OBSL1: variants seen among roughly 807,000 people sequenced by gnomAD.
OBSL1 encodes obscurin-like protein 1.
In OBSL1, 160 loss-of-function variants were observed where a neutral mutation model predicts 172.0. The ratio of observed to expected loss-of-function variants is 0.93; its 90% CI spans 0.82 to 1.06. The LOEUF is 1.06. Ranked by LOEUF, OBSL1 falls within the 50% of genes least tolerant of loss-of-function variation. OBSL1 has a pLI of 0.00. For synonymous variants in OBSL1, 1,200 were observed against 1,196.3 expected (o/e 1.00, Z -0.06); for missense variants, 2,681 against 2,715.4 (o/e 0.99, Z 0.28).
chr2:219,553,108 T>G, intron 16 of OBSL1, 84 bp from the exon 17 acceptor site: 1 of 1,400,442 alleles, frequency 7.1e-7, no homozygotes, highest in Admixed American at 3.4e-5. Context: ...CACCCTTTGT[T>G]GATGCCAAGC....
At chr2:219,559,596 G>A in intron 8 of OBSL1, 99 bp from the exon 9 acceptor site, 2 of 1,056,474 alleles carry the variant, frequency 1.9e-6, no homozygotes, top group South Asian at 1.6e-5. Flanking sequence ...ATAATAATGA[G>A]AATAATAAGT....
In OBSL1 at chr2:219,557,583, G is replaced by A; in HGVS notation, c.3826C>T (p.Gln1276Ter). 6.5e-7 allele frequency: 1 copy of A among 1,546,554 alleles called. No individual in the cohort carries two copies. Among genetic ancestry groups the A allele is most frequent in the Non-Finnish European group, 8.7e-7 (1 of 1,144,094 alleles). The change falls in exon 12 of 21, where the codon CAG becomes TAG. Residue 1276 changes from glutamine to a stop codon, truncating the protein, a stop_gained. Coordinates refer to ENST00000404537, the MANE Select transcript of OBSL1 (RefSeq NM_015311.3). LOFTEE classifies it high-confidence loss of function. The part of the protein sequence containing the change: ...PVRVVAPEAA[Q>*]TRVRSTPGGD... The stretch of plus-strand genomic sequence containing the variant: ...CCTGGGGTGCTCCGAACCCTCGTCT[G>A]GGCTGCCTCGGGAGCTACCACCCGC...
At chr2:219,561,854 A>T (rs894693291) in intron 8 of OBSL1, 3 of 717,270 alleles carry the variant, frequency 4.2e-6, no homozygotes, top group Admixed American at 2.0e-5. Flanking sequence ...GGGACAGAGG[A>T]ATGTGGGCCC....
In OBSL1 at chr2:219,559,308, A is replaced by G. The variant is rs1696280443; in HGVS notation, c.3143T>C (p.Leu1048Pro). 3 of 1,613,858 alleles carry G rather than the reference A, an allele frequency of 1.9e-6. No homozygotes were observed. Among genetic ancestry groups the G allele is most frequent in the Non-Finnish European group, 2.5e-6 (3 of 1,179,876 alleles). The change falls in exon 9 of 21, where the codon CTA becomes CCA. Residue 1048 changes from leucine (L) to proline (P), a missense_variant. By Grantham distance (98) the Leu-to-Pro change is moderately conservative. Around this residue, in one of 5 missense-constraint regions of OBSL1, gnomAD observed 1,765 missense variants for 1,748.3 expected, o/e 1.01. Transcript: ENST00000404537. ...ERDGPRCRLV[L>P]PAAQPEDGGE... ...CCCGTCCTCGGGCTGAGCAGCAGGTAGCACCAGGCGGCAGCGTGGCCCATC... is the reference window on the plus strand; with the variant it reads ...CCCGTCCTCGGGCTGAGCAGCAGGTGGCACCAGGCGGCAGCGTGGCCCATC...
In OBSL1 at chr2:219,563,486, C is replaced by G. The variant is rs1050651649; in HGVS notation, c.2549G>C (p.Ser850Thr). The part of the protein sequence containing the change: ...WYKDGQEVEE[S>T]DFVVLENEGP... ...CTCATTCTCCAGCACCACGAAGTCA[C>G]TCTCCTCCACCTCCTGCCCGTCCTT... The change falls in exon 7 of 21, where the codon AGT becomes ACT. Residue 850 changes from serine (S) to threonine (T), a missense_variant. Ser to Thr is a moderately conservative substitution (Grantham distance 58). Coordinates refer to ENST00000404537, the MANE Select transcript of OBSL1 (RefSeq NM_015311.3). 1 of 1,613,996 alleles carries G rather than the reference C, an allele frequency of 6.2e-7. No individual in the cohort carries two copies. The highest frequency in any genetic ancestry group is 8.5e-7 in the Non-Finnish European group (1 of 1,179,872).
chr2:219,553,008 G>A lies in OBSL1; in HGVS notation c.5006C>T (p.Thr1669Met). Reference sequence around the variant, plus strand: ...CTGGAGCCGGAGCCGCGGGCTAGGCGTAAGCGCGTTCCCGTCCTAGGGGCG... The same window carrying A: ...CTGGAGCCGGAGCCGCGGGCTAGGCATAAGCGCGTTCCCGTCCTAGGGGCG... ...VTWEKDGNAL[T>M]PSPRLRLQAL... The change falls in exon 17 of 21, where the codon ACG (threonine) becomes ATG (methionine). Residue 1669 changes from threonine to methionine, a missense_variant. Around this residue, in one of 5 missense-constraint regions of OBSL1, gnomAD observed 1,765 missense variants for 1,748.3 expected, o/e 1.01. Coordinates refer to ENST00000404537, the MANE Select transcript of OBSL1 (RefSeq NM_015311.3). The A allele has an allele frequency of 6.6e-7, 1 of 1,518,006 alleles. No individual in the cohort carries two copies. The highest frequency in any genetic ancestry group is 8.8e-7 in the Non-Finnish European group (1 of 1,138,768). 94.0% of individuals were successfully genotyped at this position (1,518,006 alleles called of 1,614,324 possible).
Position 219,571,302 on chromosome 2 carries a change from C to G in OBSL1, c.-70G>C. 1.0e-6 allele frequency: 1 copy of G among 956,684 alleles called. No individual in the cohort carries two copies. The highest frequency in any genetic ancestry group is 1.4e-6 in the Non-Finnish European group (1 of 737,842). The allele number at this position is 956,684 out of a possible 1,614,324, so 59.3% of individuals were successfully genotyped here. ...GGGGGGTGCGGAGGGCGAGCCGAGG[C>G]CCGGGGCGGCGGGGTCGGGGCGCGG... On this transcript the variant is annotated 5_prime_UTR_variant, in exon 1 of 21. Coordinates refer to ENST00000404537, the MANE Select transcript of OBSL1 (RefSeq NM_015311.3).
Position 219,565,427 on chromosome 2 carries a change from G to C in OBSL1, c.2222C>G (p.Ser741Ter), listed in dbSNP as rs749399846. Residue 741 changes from serine to a stop codon, truncating the protein, a stop_gained, in exon 6 of 21, where the codon TCA (serine) becomes TGA (stop). Transcript: ENST00000404537. LOFTEE classifies it high-confidence loss of function. ...CCAGGTTGCCGGGAAGTCCACCCTTGAGAGCTCACAAGTCAGCACCACCCG... is the reference window on the plus strand; with the variant it reads ...CCAGGTTGCCGGGAAGTCCACCCTTCAGAGCTCACAAGTCAGCACCACCCG... ...SERVVLTCELSRVDFPATWYK... is the reference protein window; with the variant it reads ...SERVVLTCEL 1 of 1,613,714 alleles carries C rather than the reference G, an allele frequency of 6.2e-7. No homozygotes were observed. The highest frequency in any genetic ancestry group is 8.5e-7 in the Non-Finnish European group (1 of 1,179,902).
At position 219,559,479 on chromosome 2, in the gene OBSL1, A is replaced by G; in HGVS notation, c.2972T>C (p.Ile991Thr). 3 of 1,613,612 alleles carry G rather than the reference A, an allele frequency of 1.9e-6. No homozygotes were observed. The highest frequency in any genetic ancestry group is 2.5e-6 in the Non-Finnish European group (3 of 1,179,614). The change falls in exon 9 of 21, where the codon ATA (isoleucine) becomes ACA (threonine). Residue 991 changes from isoleucine (I) to threonine (T), a missense_variant. Physicochemically the swap from Ile to Thr is moderately conservative, Grantham distance 89. Around this residue, in one of 5 missense-constraint regions of OBSL1, gnomAD observed 1,765 missense variants for 1,748.3 expected, o/e 1.01. Coordinates refer to ENST00000404537, the MANE Select transcript of OBSL1 (RefSeq NM_015311.3). ...CAAGGTCACCTCATCGCGAGGGTAT[A>G]TGATCCGCACTGGGGGTTCTGCAGG... ...VTVTEPPVRI[I>T]YPRDEVTLIA...
intron 9 of OBSL1, 23 bp downstream of exon 9, chr2:219,559,202 T>C: frequency 1.3e-6 from 2 of 1,575,800 alleles, no homozygotes; most frequent in Non-Finnish European, 1.7e-6. Context: ...CTACCTCCTC[T>C]CTGTGCTGCA....
chr2:219,571,383 C>A lies in OBSL1; in HGVS notation c.-151G>T. The A allele has an allele frequency of 4.8e-6, 2 of 413,658 alleles. No homozygotes were observed. The highest frequency in any genetic ancestry group is 1.1e-4 in the South Asian group (1 of 8,728). 25.6% of individuals were successfully genotyped at this position (413,658 alleles called of 1,614,324 possible). A position where few individuals can be genotyped will look rare whatever the true frequency, so the allele number is the denominator to read the frequency against. ...TCTCCCGGGCCTCCCGCTCCCGGCT[C>A]GCCTCCTTACCCTCGGCCCCGAGCT... On this transcript the variant is annotated 5_prime_UTR_variant, in exon 1 of 21. Coordinates refer to ENST00000404537, the MANE Select transcript of OBSL1 (RefSeq NM_015311.3).
In OBSL1 at chr2:219,566,891, G is replaced by A. The variant is rs868114003; in HGVS notation, c.2073C>T (p.Ser691=). 6.8e-6 allele frequency: 11 copies of A among 1,606,798 alleles called. No individual in the cohort carries two copies. Among genetic ancestry groups the A allele is most frequent in the South Asian group, 2.2e-5 (2 of 90,976 alleles). Residue 691 remains serine (S), a synonymous_variant, in exon 5 of 21, where the codon AGC becomes AGT. Coordinates refer to ENST00000404537, the MANE Select transcript of OBSL1 (RefSeq NM_015311.3). ...GGCAGCTGAAGCCGACCAGGGCACC[G>A]CTGTCCTGGTGCTTGACGGCATGCA... ...LILHAVKHQD[S]GALVGFSCPG...
rs976380223 is a variant in OBSL1, at chr2:219,562,697, G to T, written c.2681-23C>A. On this transcript the variant is annotated intron_variant, in intron 7 of 20. Transcript: ENST00000404537. ...CGTCTGGAGGACAGGGACAGCCACT[G>T]CCGGGCATGAGGGGTGTGCCCTGCC... The T allele has an allele frequency of 3.3e-6, 5 of 1,522,650 alleles. No individual in the cohort carries two copies. In the African/African-American group the frequency reaches 5.6e-5, roughly 17 times the overall value. The allele number at this position is 1,522,650 out of a possible 1,614,324, so 94.3% of individuals were successfully genotyped here.
downstream of OBSL1, chr2:219,547,663 G>A (rs750972347): frequency 3.9e-5 from 60 of 1,536,570 alleles, 3 homozygotes; most frequent in South Asian, 4.3e-4. Flanking sequence ...TCTGCGGGCT[G>A]GTGGCCATGC....
Position 219,556,742 on chromosome 2 carries a change from C to T in OBSL1, c.4067-19G>A. On this transcript the variant is annotated intron_variant, in intron 12 of 20. Transcript: ENST00000404537. ...AGTGGCTCTAAGGGGCACGGTAAGGCAGTGAGCTGGGCTGAGTCTTTTCTT... is the reference window on the plus strand; with the variant it reads ...AGTGGCTCTAAGGGGCACGGTAAGGTAGTGAGCTGGGCTGAGTCTTTTCTT... 1.3e-6 allele frequency: 2 copies of T among 1,580,664 alleles called. No homozygotes were observed. The highest frequency in any genetic ancestry group is 1.7e-6 in the Non-Finnish European group (2 of 1,158,276).
chr2:219,562,355 G>C, intron 8 of OBSL1, 47 bp downstream of exon 8: 1 of 1,594,646 alleles, frequency 6.3e-7, no homozygotes, highest in Non-Finnish European at 8.6e-7. Context: ...CTCCTCCAGG[G>C]CTCAGGGCTG....
At position 219,553,037 on chromosome 2, in the gene OBSL1, G is replaced by A; in HGVS notation, c.4990-13C>T. 2 of 1,491,366 alleles carry A rather than the reference G, an allele frequency of 1.3e-6. No individual in the cohort carries two copies. The highest frequency in any genetic ancestry group is 1.8e-6 in the Non-Finnish European group (2 of 1,127,052). The allele number at this position is 1,491,366 out of a possible 1,614,324, so 92.4% of individuals were successfully genotyped here. On this transcript the variant is annotated splice_polypyrimidine_tract_variant and intron_variant, in intron 16 of 20. Coordinates refer to ENST00000404537, the MANE Select transcript of OBSL1 (RefSeq NM_015311.3). ...GCGCGTTCCCGTCCTAGGGGCGGGA[G>A]TTGCAGAGGGTCGGGGCGAGCCCGG...
chr2:219,549,792 G>A, downstream of OBSL1: 1 of 1,614,136 alleles, frequency 6.2e-7, no homozygotes, highest in Non-Finnish European at 8.5e-7. Context: ...CACAGATGCG[G>A]ACTATGAGTA....
chr2:219,547,677 T>C (rs763043921), downstream of OBSL1: 1 of 1,548,788 alleles, frequency 6.5e-7, no homozygotes, highest in Non-Finnish European at 8.7e-7. Flanking sequence ...GCCATGCTAG[T>C]GCGCAGCGTG....
Sources: allele counts gnomAD v4.1 joint callset, GRCh38; gene constraint gnomAD v4.1.1; regional missense constraint gnomAD v4.1.1; transcripts MANE v1.5; gene names NCBI Gene and HGNC (gene_info 2026-07-23, HGNC 2026-07-21).